CNIH3: variants seen among roughly 807,000 people sequenced by gnomAD.
CNIH3 encodes protein cornichon homolog 3.
A neutral mutation model predicts 24.1 loss-of-function variants in CNIH3; 14 were observed. The observed-to-expected ratio is 0.58, with a 90% CI of 0.38 to 0.91. The LOEUF (loss-of-function observed/expected upper bound fraction) is 0.91. Ranked by LOEUF, CNIH3 falls within the 40% of genes least tolerant of loss-of-function variation. The pLI is 0.00. For synonymous variants in CNIH3, 68 were observed against 73.8 expected (o/e 0.92, Z 0.40); for missense variants, 178 against 196.8 (o/e 0.90, Z 0.57).
At chr1:224,434,753 C>G (rs1313682727) in exon 1 of CNIH3, 2 of 986,944 alleles carry the variant, frequency 2.0e-6, no homozygotes, top group Non-Finnish European at 2.4e-6. Flanking sequence ...ATCCGCTCCG[C>G]TCTGCTCCCT....
intron 1 of CNIH3, among the ~76,000 whole-genome samples, chr1:224,635,350 C>T (rs1018352008): frequency 6.6e-6 from 1 of 152,126 alleles, no homozygotes; most frequent in African/African-American, 2.4e-5. Flanking sequence ...ACAGCCAAAC[C>T]CTACCAAGGG....
At chr1:224,532,402 CAAGT>C (rs1679109223) in intron 2 of CNIH3, among the ~76,000 whole-genome samples, 1 of 152,096 alleles carries the variant, frequency 6.6e-6, no homozygotes, top group African/African-American at 2.4e-5. Context: ...GATGATGTGA[CAAGT>C]AAGAGGACCA....
At chr1:224,738,486 T>C (rs371126608) in intron 5 of CNIH3, among the ~76,000 whole-genome samples, 4 of 152,326 alleles carry the variant, frequency 2.6e-5, no homozygotes, top group East Asian at 1.9e-4. Context: ...GAGGAGCTCA[T>C]TGGGCATCCA....
In CNIH3 at chr1:224,468,422, A is replaced by G. The variant is rs139132869; in HGVS notation, n.203+33560A>G. On this transcript the variant is annotated intron_variant and non_coding_transcript_variant, in intron 1 of 5. Coordinates refer to the CNIH3 transcript ENST00000471578. ...TGTTAGATTTATAACTAAGTATTTC[A>G]TTTGCTTTGTAGCAATTGTAAATGG... Among the ~76,000 whole-genome samples, 479 of 152,180 alleles carry G rather than the reference A, an allele frequency of 3.1e-3. 1 individual carries two copies. Among genetic ancestry groups the G allele is most frequent in the African/African-American group, 0.011 (442 of 41,510 alleles).
intron 3 of CNIH3, among the ~76,000 whole-genome samples, chr1:224,716,998 G>A (rs928453842): frequency 3.3e-5 from 5 of 152,256 alleles, no homozygotes; most frequent in African/African-American, 4.8e-5. Flanking sequence ...ACCTAGGGAC[G>A]GGTGACCTTT....
chr1:224,676,048 T>G (rs1417080615), intron 1 of CNIH3, among the ~76,000 whole-genome samples: 1 of 151,938 alleles, frequency 6.6e-6, no homozygotes, highest in Admixed American at 6.6e-5. Flanking sequence ...TGTAGATGTT[T>G]ATAGCAGCTT....
At chr1:224,470,023 CTT>C (rs199958550) in intron 1 of CNIH3, among the ~76,000 whole-genome samples, 5 of 144,954 alleles carry the variant, frequency 3.4e-5, no homozygotes, top group Admixed American at 6.9e-5. Flanking sequence ...TCTTCTTCTT[CTT>C]TTTTTTTTTT....
At position 224,684,713 on chromosome 1, in the gene CNIH3, G is replaced by A; in HGVS notation, c.151-83G>A. 8.0e-7 allele frequency: 1 copy of A among 1,256,904 alleles called. No individual in the cohort carries two copies. The highest frequency in any genetic ancestry group is 1.2e-5 in the South Asian group (1 of 83,642). The allele number at this position is 1,256,904 out of a possible 1,614,324, so 77.9% of individuals were successfully genotyped here. On this transcript the variant is annotated intron_variant, in intron 2 of 5. Coordinates refer to ENST00000272133, the MANE Select transcript of CNIH3 (RefSeq NM_152495.2). This position sits in a 1 kb window ranked among gnomAD's most constrained non-coding sequence, Gnocchi z 4.2. ...TCTGGTGGCTTCTGCCTCCACTATTGGGGCTGATTGCGGGGCCTTCTCATG... is the reference window on the plus strand; with the variant it reads ...TCTGGTGGCTTCTGCCTCCACTATTAGGGCTGATTGCGGGGCCTTCTCATG...
chr1:224,566,721 G>A (rs1680597418), intron 4 of CNIH3, among the ~76,000 whole-genome samples: 1 of 152,138 alleles, frequency 6.6e-6, no homozygotes, highest in African/African-American at 2.4e-5. Flanking sequence ...TGGCTGCATA[G>A]TATTCCATGG....
At chr1:224,540,386 G>A (rs916713924), downstream of CNIH3, among the ~76,000 whole-genome samples, 1 of 152,154 alleles carries the variant, frequency 6.6e-6, no homozygotes, top group Non-Finnish European at 1.5e-5. Flanking sequence ...TAATTCAATA[G>A]CCACCCATGC....
At chr1:224,575,875 T>C (rs972768930) in intron 4 of CNIH3, among the ~76,000 whole-genome samples, 1 of 152,216 alleles carries the variant, frequency 6.6e-6, no homozygotes, top group African/African-American at 2.4e-5. Flanking sequence ...CTTTGAGTAG[T>C]GTATATATCT....
chr1:224,628,629 G>A (rs1183018148), intron 1 of CNIH3, among the ~76,000 whole-genome samples: 3 of 152,042 alleles, frequency 2.0e-5, no homozygotes, highest in African/African-American at 7.2e-5. Flanking sequence ...CCTTTTTAAG[G>A]TTGAGTAATA....
intron 1 of CNIH3, among the ~76,000 whole-genome samples, chr1:224,457,293 G>C (rs2102976502): frequency 6.6e-6 from 1 of 151,780 alleles, no homozygotes; most frequent in Middle Eastern, 3.4e-3. Context: ...GTGTGTGTGT[G>C]TGTGTGTGTG....
rs374053587 is a variant in CNIH3, at chr1:224,445,041, C to T, written n.203+10179C>T. ...GTACAACTCAGTTTTTTCTAGTGAACGTACCCGTGAAACCATCACCCAGGT... is the reference window on the plus strand; with the variant it reads ...GTACAACTCAGTTTTTTCTAGTGAATGTACCCGTGAAACCATCACCCAGGT... On this transcript the variant is annotated intron_variant and non_coding_transcript_variant, in intron 1 of 5. Coordinates refer to the CNIH3 transcript ENST00000471578. 3.3e-5 allele frequency among the ~76,000 whole-genome samples: 5 copies of T among 150,790 alleles called. No individual in the cohort carries two copies. The East Asian group carries it at 9.8e-4, about 30-fold the overall frequency.
At chr1:224,530,585 A>T (rs887702417) in intron 2 of CNIH3, among the ~76,000 whole-genome samples, 1 of 151,654 alleles carries the variant, frequency 6.6e-6, no homozygotes, top group Non-Finnish European at 1.5e-5. Context: ...TTTAAACCCT[A>T]CATTTCTTTT....
intron 1 of CNIH3, among the ~76,000 whole-genome samples, chr1:224,446,782 G>A (rs1056221270): frequency 3.3e-5 from 5 of 152,194 alleles, no homozygotes; most frequent in African/African-American, 9.7e-5. Context: ...GCACTGGGAA[G>A]AGGGGGATTC....
chr1:224,498,260 T>G (rs952175733), intron 1 of CNIH3, among the ~76,000 whole-genome samples: 49 of 152,156 alleles, frequency 3.2e-4, no homozygotes, highest in African/African-American at 1.2e-3. Flanking sequence ...TAGGCTAACA[T>G]GGAGGCCCCA....
At position 224,730,417 on chromosome 1, in the gene CNIH3, G is replaced by A. The variant is rs375406953; in HGVS notation, c.199-45G>A. Reference sequence around the variant, plus strand: ...CAGCTGCCATAGAAGCAGGAGTGGCGTTTTCCTCCTCTAACTCAGGGCCGT... The same window carrying A: ...CAGCTGCCATAGAAGCAGGAGTGGCATTTTCCTCCTCTAACTCAGGGCCGT... On this transcript the variant is annotated intron_variant, in intron 3 of 5. Coordinates refer to ENST00000272133, the MANE Select transcript of CNIH3 (RefSeq NM_152495.2). 189 of 1,308,842 alleles carry A rather than the reference G, an allele frequency of 1.4e-4. 1 individual carries two copies. The highest frequency in any genetic ancestry group is 1.9e-4 in the Non-Finnish European group (173 of 927,896). The allele number at this position is 1,308,842 out of a possible 1,614,324, so 81.1% of individuals were successfully genotyped here.
chr1:224,553,200 G>T (rs1679999019), intron 3 of CNIH3, among the ~76,000 whole-genome samples: 1 of 148,716 alleles, frequency 6.7e-6, no homozygotes, highest in South Asian at 2.1e-4. Context: ...ATCACAGGGG[G>T]TATACCCCCT....
Sources: allele counts gnomAD v4.1 joint callset (sites outside exome capture counted in the v4.1 genomes callset), GRCh38; gene constraint gnomAD v4.1.1; non-coding constraint Gnocchi (gnomAD v3.1); transcripts MANE v1.5; gene names NCBI Gene and HGNC (gene_info 2026-07-23, HGNC 2026-07-21).